LCORL: variants seen among roughly 807,000 people sequenced by gnomAD.
The protein encoded by LCORL is ligand-dependent nuclear receptor corepressor-like protein.
In LCORL, 41 loss-of-function variants were observed where a neutral mutation model predicts 141.8. That is an observed-to-expected ratio of 0.29 (90% CI 0.23 to 0.38). The LOEUF (loss-of-function observed/expected upper bound fraction) is 0.38, where lower values mean the gene tolerates loss of function less well. LCORL is among the 10% of genes least tolerant of loss of function. The probability of loss-of-function intolerance (pLI) is 1.00; values close to 1 mark genes in which losing one functional copy is unlikely to be tolerated. For missense variants in LCORL, 1,759 were observed against 2,035.0 expected, an observed-to-expected ratio of 0.86 and a Z score of 2.61; for synonymous variants, 618 against 694.1, an observed-to-expected ratio of 0.89 and a Z score of 1.72.
At chr4:17,935,009 T>A (rs978710840) in intron 4 of LCORL, among the ~76,000 whole-genome samples, 2 of 152,154 alleles carry the variant, frequency 1.3e-5, no homozygotes, top group Admixed American at 1.3e-4. Flanking sequence ...ATACTCAATA[T>A]GTAGTTTCAT....
In LCORL at chr4:17,874,520, TGAAACTTCAA is replaced by T; in HGVS notation, c.4460_4469del (p.Leu1487HisfsTer3). 1 of 1,233,862 alleles carries T rather than the reference TGAAACTTCAA, an allele frequency of 8.1e-7. No homozygotes were observed. The highest frequency in any genetic ancestry group is 1.0e-6 in the Non-Finnish European group (1 of 987,814). The allele number at this position is 1,233,862 out of a possible 1,614,324, so 76.4% of individuals were successfully genotyped here. A position where few individuals can be genotyped will look rare whatever the true frequency, so the allele number is the denominator to read the frequency against. On this transcript the variant is annotated frameshift_variant, in exon 7 of 8. Coordinates refer to ENST00000635767, the Ensembl canonical transcript of LCORL. LOFTEE classifies it high-confidence loss of function. Reference sequence around the variant, plus strand: ...TTTTCTGAAAAAGCATTTTTACAGGTGAAACTTCAAGTTCTAAAAGACAAGTTTCCAAAGG... The same window carrying T: ...TTTTCTGAAAAAGCATTTTTACAGGTGTTCTAAAAGACAAGTTTCCAAAGG...
chr4:17,861,916 G>A (rs1025785035), intron 7 of LCORL, among the ~76,000 whole-genome samples: 13 of 152,116 alleles, frequency 8.5e-5, no homozygotes, highest in Non-Finnish European at 1.9e-4. Context: ...ATCTCCATCT[G>A]AGACCACCTC....
intron 7 of LCORL, among the ~76,000 whole-genome samples, chr4:17,857,921 C>A (rs899075460): frequency 6.6e-6 from 1 of 152,126 alleles, no homozygotes; most frequent in African/African-American, 2.4e-5. Context: ...TTGCAAAAAT[C>A]CCAGCTCACA....
chr4:17,953,398 G>A (rs982066965), intron 4 of LCORL, among the ~76,000 whole-genome samples: 3 of 152,072 alleles, frequency 2.0e-5, no homozygotes, highest in Admixed American at 6.6e-5. Context: ...CCACAACTTC[G>A]CCTGCATCTG....
At chr4:17,978,006 C>T (rs183410472) in intron 1 of LCORL, among the ~76,000 whole-genome samples, 1 of 152,202 alleles carries the variant, frequency 6.6e-6, no homozygotes, top group Admixed American at 6.5e-5. Flanking sequence ...ACCCTAAATC[C>T]TCCATTTCCC....
intron 1 of LCORL, among the ~76,000 whole-genome samples, chr4:17,974,392 T>C (rs983388986): frequency 1.9e-4 from 29 of 152,290 alleles, no homozygotes; most frequent in East Asian, 1.9e-4. Flanking sequence ...CATCTTTTTG[T>C]TTAAAAAAAG....
chr4:17,996,249 T>C (rs567335033), intron 1 of LCORL, among the ~76,000 whole-genome samples: 1 of 152,124 alleles, frequency 6.6e-6, no homozygotes, highest in Admixed American at 6.5e-5. Context: ...GTTGTAATAC[T>C]AGAATTTTTA....
At chr4:17,873,011 G>A (rs1316489942) in intron 7 of LCORL, among the ~76,000 whole-genome samples, 1 of 152,052 alleles carries the variant, frequency 6.6e-6, no homozygotes, top group Non-Finnish European at 1.5e-5. Flanking sequence ...CTAGTTTATA[G>A]TGTGGTACTT....
At chr4:17,893,030 T>A (rs551910914) in intron 5 of LCORL, among the ~76,000 whole-genome samples, 1 of 152,310 alleles carries the variant, frequency 6.6e-6, no homozygotes, top group East Asian at 1.9e-4. Context: ...TGATTACTTT[T>A]AAAAAACCTT....
At chr4:18,019,126 C>T (rs1022630188) in intron 1 of LCORL, among the ~76,000 whole-genome samples, 7 of 152,234 alleles carry the variant, frequency 4.6e-5, no homozygotes, top group African/African-American at 1.7e-4. Flanking sequence ...TTTAAAATAA[C>T]AATGGGATTC....
rs553391624 is a variant in LCORL, at chr4:17,861,398, G to A, written c.5602+11990C>T. 2.2e-3 allele frequency among the ~76,000 whole-genome samples: 330 copies of A among 152,300 alleles called. 2 individuals are homozygous for A. Among genetic ancestry groups the A allele is most frequent in the Non-Finnish European group, 3.3e-3 (223 of 68,024 alleles). On this transcript the variant is annotated intron_variant, in intron 7 of 7. Coordinates refer to ENST00000635767, the Ensembl canonical transcript of LCORL. ...GTGAGCCGTACCTCGGCCCCTTTTA[G>A]TCACAGCTGGAGTGGCTGGGACACA...
chr4:17,900,792 T>G (rs780363930), intron 5 of LCORL, among the ~76,000 whole-genome samples: 6 of 152,002 alleles, frequency 3.9e-5, no homozygotes, highest in Non-Finnish European at 8.8e-5. Context: ...GAGGATAAAA[T>G]AAGAAGATCC....
intron 1 of LCORL, among the ~76,000 whole-genome samples, chr4:17,975,687 G>A (rs1457211301): frequency 6.6e-6 from 1 of 152,052 alleles, no homozygotes; most frequent in Non-Finnish European, 1.5e-5. Flanking sequence ...TGAGCCACTG[G>A]GCCCAGCCTG....
exon 8 of LCORL, chr4:17,842,974 C>G: frequency 5.8e-6 from 1 of 173,512 alleles, no homozygotes; most frequent in South Asian, 1.6e-4. Context: ...TTTGTCACTT[C>G]TTGAGTTTCA....
At chr4:17,979,701 T>C (rs989298574) in intron 1 of LCORL, among the ~76,000 whole-genome samples, 4 of 152,202 alleles carry the variant, frequency 2.6e-5, no homozygotes, top group African/African-American at 9.7e-5. Flanking sequence ...CCTCAAAAGA[T>C]CAAATTCCCT....
chr4:17,953,077 C>T (rs1475796659), intron 4 of LCORL, among the ~76,000 whole-genome samples: 1 of 152,052 alleles, frequency 6.6e-6, no homozygotes, highest in African/African-American at 2.4e-5. Context: ...GACATGATCT[C>T]ATTCTTTTTC....
At chr4:17,975,332 T>C (rs1716737515) in intron 1 of LCORL, among the ~76,000 whole-genome samples, 1 of 152,162 alleles carries the variant, frequency 6.6e-6, no homozygotes, top group South Asian at 2.1e-4. Flanking sequence ...ACACATAGGA[T>C]ATAAATGTGT....
chr4:17,870,301 G>A (rs921670144), intron 7 of LCORL, among the ~76,000 whole-genome samples: 1 of 152,182 alleles, frequency 6.6e-6, no homozygotes, highest in Non-Finnish European at 1.5e-5. Context: ...ATGGGGTCCC[G>A]CTATGTTGCC....
At chr4:18,017,874 G>A (rs1176584770) in intron 1 of LCORL, among the ~76,000 whole-genome samples, 2 of 152,098 alleles carry the variant, frequency 1.3e-5, no homozygotes, top group East Asian at 1.9e-4. Context: ...AGGTAAGACA[G>A]TATCCTTGTT....
Sources: allele counts gnomAD v4.1 joint callset (sites outside exome capture counted in the v4.1 genomes callset), GRCh38; gene constraint gnomAD v4.1.1; transcripts MANE v1.5; gene names NCBI Gene and HGNC (gene_info 2026-07-23, HGNC 2026-07-21).